CPS1: variants seen among roughly 807,000 people sequenced by gnomAD.
CPS1 encodes the protein carbamoyl-phosphate synthase [ammonia], mitochondrial.
CPS1 carries 109 observed loss-of-function variants against 174.6 expected under a neutral mutation model. The observed-to-expected ratio is 0.62, with a 90% confidence interval of 0.53 to 0.73. CPS1 has a LOEUF of 0.73. Ranked by LOEUF, CPS1 falls within the 30% of genes least tolerant of loss-of-function variation. The probability of loss-of-function intolerance (pLI) is 0.00; values close to 1 mark genes in which losing one functional copy is unlikely to be tolerated. For missense variants in CPS1, 1,689 were observed against 1,821.9 expected, an observed-to-expected ratio of 0.93 and a Z score of 1.33; for synonymous variants, 637 against 632.0, an observed-to-expected ratio of 1.01 and a Z score of -0.12.
chr2:210,632,179 G>A (rs1342368536), intron 21 of CPS1, among the ~76,000 whole-genome samples: 1 of 151,950 alleles, frequency 6.6e-6, no homozygotes, highest in Admixed American at 6.6e-5. Flanking sequence ...CTTTTACCTA[G>A]TTTGATCAAA....
intron 21 of CPS1, among the ~76,000 whole-genome samples, chr2:210,627,645 T>C (rs1699735585): frequency 6.6e-6 from 1 of 152,110 alleles, no homozygotes; most frequent in South Asian, 2.1e-4. Flanking sequence ...GTGGAGTAAA[T>C]ACCCGAGAGC....
chr2:210,602,144 G>A, intron 15 of CPS1, 58 bp from the exon 16 acceptor site: 1 of 1,604,596 alleles, frequency 6.2e-7, no homozygotes, highest in Non-Finnish European at 8.5e-7. Context: ...TCTTGGTGTG[G>A]TCTGTTCTGC....
chr2:210,568,040 A>G (rs1259307063), intron 1 of CPS1, among the ~76,000 whole-genome samples: 1 of 152,204 alleles, frequency 6.6e-6, no homozygotes, highest in Non-Finnish European at 1.5e-5. Flanking sequence ...CAGTGGGGAT[A>G]CAGCATGGAA....
intron 11 of CPS1, chr2:210,593,218 A>T: frequency 1.5e-6 from 1 of 648,960 alleles, no homozygotes; most frequent in Non-Finnish European, 2.4e-6. Context: ...TCATTCTAAT[A>T]TATTTAGTTC....
In CPS1 at chr2:210,498,111, T is replaced by C. The variant is rs531623610; in HGVS notation, c.3+20345T>C. 2.6e-5 allele frequency among the ~76,000 whole-genome samples: 4 copies of C among 151,880 alleles called. No individual in the cohort carries two copies. The South Asian group carries it at 8.3e-4, about 32-fold the overall frequency. On this transcript the variant is annotated intron_variant, in intron 1 of 38. Transcript: ENST00000430249. The stretch of plus-strand genomic sequence containing the variant: ...TTGACTTTTTAATAACGGCCATTCT[T>C]ACTGGTATGAGATTGTATCTTATTT...
intron 21 of CPS1, among the ~76,000 whole-genome samples, chr2:210,624,218 C>T (rs1032812381): frequency 4.6e-5 from 7 of 152,008 alleles, no homozygotes; most frequent in Non-Finnish European, 1.0e-4. Context: ...CTAACTCACA[C>T]GATATTCTAA....
intron 1 of CPS1, among the ~76,000 whole-genome samples, chr2:210,538,634 G>A: frequency 6.6e-6 from 1 of 152,056 alleles, no homozygotes; most frequent in East Asian, 1.9e-4. Context: ...AGTGGGGATG[G>A]TAGGGCTACA....
At chr2:210,661,282 G>C (rs1019864649) in intron 32 of CPS1, among the ~76,000 whole-genome samples, 6 of 152,136 alleles carry the variant, frequency 3.9e-5, no homozygotes, top group Non-Finnish European at 7.4e-5. Flanking sequence ...TCTCCTAGCT[G>C]CATCAGTATG....
intron 14 of CPS1, among the ~76,000 whole-genome samples, chr2:210,600,143 G>C (rs1303260273): frequency 6.6e-6 from 1 of 150,964 alleles, no homozygotes; most frequent in Non-Finnish European, 1.5e-5. Flanking sequence ...GGCAAAATTA[G>C]GTGGCTAGGT....
At chr2:210,556,942 A>G in intron 1 of CPS1, 83 bp downstream of exon 1, 1 of 1,491,008 alleles carries the variant, frequency 6.7e-7, no homozygotes, top group South Asian at 1.1e-5. Context: ...TACAAGGCAA[A>G]TACAGTTTTG....
intron 1 of CPS1, among the ~76,000 whole-genome samples, chr2:210,543,168 G>A (rs992776661): frequency 7.9e-5 from 12 of 152,172 alleles, no homozygotes; most frequent in African/African-American, 2.9e-4. Flanking sequence ...GTCTACCACA[G>A]TTAGCTTCCT....
intron 21 of CPS1, among the ~76,000 whole-genome samples, chr2:210,631,076 TGTAGGCCAG>T (rs1406657252): frequency 6.6e-6 from 1 of 151,736 alleles, no homozygotes; most frequent in Non-Finnish European, 1.5e-5. Flanking sequence ...ATTCCATAAT[TGTAGGCCAG>T]GTGGAGTGCT....
chr2:210,576,432 A>T lies in CPS1; in HGVS notation c.323A>T (p.Asp108Val). 6.2e-7 allele frequency: 1 copy of T among 1,613,776 alleles called. No individual in the cohort carries two copies. The highest frequency in any genetic ancestry group is 8.5e-7 in the Non-Finnish European group (1 of 1,179,744). ...NPIIGNGGAP[D>V]TTALDELGLS... is the part of the protein sequence containing the mutation. ...ATTATTGGGAATGGTGGAGCTCCTG[A>T]TACTACTGCTCTGGATGAACTGGGA... Residue 108 changes from aspartate (D) to valine (V), a missense_variant, in exon 3 of 38, where the codon GAT becomes GTT. Transcript: ENST00000233072.
rs1048798148 is a variant in CPS1, at chr2:210,636,004, A to C, written c.2688-1698A>C. ...AATTAATTAAAGCAGATTCATGATTAGAATGAACAAAATGCAATAGATTTA... is the reference window on the plus strand; with the variant it reads ...AATTAATTAAAGCAGATTCATGATTCGAATGAACAAAATGCAATAGATTTA... On this transcript the variant is annotated intron_variant, in intron 21 of 37. Transcript: ENST00000233072. 9.2e-5 allele frequency among the ~76,000 whole-genome samples: 14 copies of C among 152,238 alleles called. 1 individual carries two copies. In the South Asian group the frequency reaches 2.5e-3, roughly 27 times the overall value.
At chr2:210,500,283 C>T (rs147971082) in intron 1 of CPS1, among the ~76,000 whole-genome samples, 1 of 152,220 alleles carries the variant, frequency 6.6e-6, no homozygotes, top group Non-Finnish European at 1.5e-5. Flanking sequence ...TGGCTCCTCC[C>T]AAATCTCATG....
At chr2:210,667,001 A>G (rs1701124633) in intron 33 of CPS1, among the ~76,000 whole-genome samples, 1 of 151,884 alleles carries the variant, frequency 6.6e-6, no homozygotes, top group South Asian at 2.1e-4. Context: ...CTTTTATTTC[A>G]TTGAGCTGTG....
chr2:210,665,072 T>C (rs941716097), intron 33 of CPS1, among the ~76,000 whole-genome samples: 9 of 152,226 alleles, frequency 5.9e-5, no homozygotes, highest in African/African-American at 2.2e-4. Flanking sequence ...GTCTGTGTTG[T>C]TGCATCTGCA....
chr2:210,611,966 A>C, intron 19 of CPS1, 151 bp from the exon 20 acceptor site: 1 of 666,666 alleles, frequency 1.5e-6, no homozygotes, highest in Non-Finnish European at 2.4e-6. Flanking sequence ...GAAAAAAAGG[A>C]ACACCTTTTT....
At chr2:210,582,179 T>C (rs1697943537) in intron 5 of CPS1, among the ~76,000 whole-genome samples, 1 of 152,222 alleles carries the variant, frequency 6.6e-6, no homozygotes, top group Admixed American at 6.5e-5. Context: ...GAATTAATAT[T>C]ACTATCATAA....
Sources: allele counts gnomAD v4.1 joint callset (sites outside exome capture counted in the v4.1 genomes callset), GRCh38; gene constraint gnomAD v4.1.1; transcripts MANE v1.5; gene names NCBI Gene and HGNC (gene_info 2026-07-23, HGNC 2026-07-21).